The following NDUFA5 variants were observed in gnomAD, a reference collection of about 807,000 sequenced individuals.
NDUFA5 encodes NADH:ubiquinone oxidoreductase subunit A5, also known as NADH dehydrogenase [ubiquinone] 1 alpha subcomplex subunit 5.
In NDUFA5, 11 loss-of-function variants were observed where a neutral mutation model predicts 19.8. The observed-to-expected ratio is 0.56, with a 90% CI of 0.35 to 0.92. NDUFA5 has a LOEUF of 0.92. Ranked by LOEUF, NDUFA5 falls within the 40% of genes least tolerant of loss-of-function variation. The probability of loss-of-function intolerance (pLI) is 0.01; values close to 1 mark genes in which losing one functional copy is unlikely to be tolerated. For synonymous variants in NDUFA5, 47 were observed against 46.8 expected (o/e 1.00, Z -0.01); for missense variants, 109 against 134.2 (o/e 0.81, Z 0.93).
At chr7:123,552,966 T>C (rs1798409356) in intron 2 of NDUFA5, among the ~76,000 whole-genome samples, 2 of 152,220 alleles carry the variant, frequency 1.3e-5, no homozygotes, top group South Asian at 4.1e-4. Flanking sequence ...TTGCAATGTA[T>C]TTTCATACTT....
the NDUFA5 span, among the ~76,000 whole-genome samples, chr7:123,578,547 G>A: frequency 6.6e-6 from 1 of 151,732 alleles, no homozygotes; most frequent in East Asian, 1.9e-4. Context: ...TTAATTTCAG[G>A]CATTTGCTTT....
chr7:123,557,086 A>T (rs1351605714), intron 2 of NDUFA5: 6 of 575,006 alleles, frequency 1.0e-5, no homozygotes, highest in Non-Finnish European at 2.0e-5. Flanking sequence ...AGAAACGGTA[A>T]GGCAAGGAGA....
intron 2 of NDUFA5, chr7:123,556,639 G>A (rs1023563279): frequency 6.5e-6 from 2 of 306,466 alleles, no homozygotes; most frequent in South Asian, 6.4e-5. Flanking sequence ...TTAGGTCAAT[G>A]AAGGTGAGAA....
the NDUFA5 span, among the ~76,000 whole-genome samples, chr7:123,592,627 T>A: frequency 6.6e-6 from 1 of 152,228 alleles, no homozygotes. Context: ...ATTTCTAATT[T>A]GATTGCACTG....
chr7:123,594,878 G>C, the NDUFA5 span, among the ~76,000 whole-genome samples: 8 of 152,292 alleles, frequency 5.3e-5, no homozygotes, highest in Middle Eastern at 6.8e-3. Flanking sequence ...GTTCAGATAG[G>C]CCCTGCCCCC....
chr7:123,597,088 G>GT, the NDUFA5 span, among the ~76,000 whole-genome samples: 3 of 152,166 alleles, frequency 2.0e-5, no homozygotes, highest in Non-Finnish European at 4.4e-5. Context: ...TGTTACCCTA[G>GT]TCAAAAAATA....
At chr7:123,577,760 C>T in the NDUFA5 span, among the ~76,000 whole-genome samples, 1 of 151,992 alleles carries the variant, frequency 6.6e-6, no homozygotes, top group Non-Finnish European at 1.5e-5. Flanking sequence ...GTTCTCCATC[C>T]AGCTCATGTT....
chr7:123,553,467 G>A (rs750131357), intron 2 of NDUFA5, among the ~76,000 whole-genome samples: 3 of 152,272 alleles, frequency 2.0e-5, no homozygotes, highest in Non-Finnish European at 2.9e-5. Context: ...CCTCTCCCAC[G>A]ACACATGGGG....
intron 1 of NDUFA5, 87 bp downstream of exon 1, chr7:123,557,688 A>AG: frequency 6.2e-7 from 1 of 1,614,036 alleles, no homozygotes; most frequent in South Asian, 1.1e-5. Flanking sequence ...CCGCGACAGT[A>AG]GGGGTCAACA....
At chr7:123,594,797 G>A in the NDUFA5 span, among the ~76,000 whole-genome samples, 1 of 152,166 alleles carries the variant, frequency 6.6e-6, no homozygotes, top group Non-Finnish European at 1.5e-5. Flanking sequence ...GCCATGCTGG[G>A]AGAACCACTG....
chr7:123,579,399 T>C, the NDUFA5 span, among the ~76,000 whole-genome samples: 2 of 152,166 alleles, frequency 1.3e-5, no homozygotes, highest in Non-Finnish European at 2.9e-5. Flanking sequence ...TGTTTTGCTA[T>C]GTACTCACTG....
chr7:123,577,715 A>T, the NDUFA5 span, among the ~76,000 whole-genome samples: 6 of 152,054 alleles, frequency 3.9e-5, no homozygotes, highest in Non-Finnish European at 8.8e-5. Context: ...TTTTCTTTGG[A>T]TATGGTTATG....
chr7:123,574,174 A>C, the NDUFA5 span, among the ~76,000 whole-genome samples: 2 of 151,882 alleles, frequency 1.3e-5, no homozygotes, highest in African/African-American at 2.4e-5. Context: ...TTTTTATATA[A>C]AATTGATCAC....
the NDUFA5 span, among the ~76,000 whole-genome samples, chr7:123,574,857 A>AT: frequency 6.6e-6 from 1 of 151,638 alleles, no homozygotes. Context: ...TACTCTTTTT[A>AT]TTTTTTCTAT....
intron 3 of NDUFA5, among the ~76,000 whole-genome samples, chr7:123,549,640 T>G (rs957519431): frequency 3.3e-5 from 5 of 152,216 alleles, no homozygotes; most frequent in African/African-American, 1.2e-4. Context: ...TAGCTGGGCA[T>G]GATGGTGAGT....
At chr7:123,556,830 G>T (rs191194877) in intron 2 of NDUFA5, 1 of 507,222 alleles carries the variant, frequency 2.0e-6, no homozygotes, top group South Asian at 1.5e-5. Flanking sequence ...AAAACGCCAA[G>T]GGTGACTGAG....
At chr7:123,550,351 G>A in intron 3 of NDUFA5, 119 bp downstream of exon 3, 1 of 679,350 alleles carries the variant, frequency 1.5e-6, no homozygotes, top group South Asian at 1.6e-5. Flanking sequence ...GGAATGATGG[G>A]AAAAGAGCAT....
rs377166306 is a variant in NDUFA5, at chr7:123,544,388, C to T, written c.249+1223G>A. Among the ~76,000 whole-genome samples the T allele has an allele frequency of 2.4e-4, 37 of 151,046 alleles. No homozygotes were observed. In the East Asian group the frequency reaches 3.9e-3, roughly 16 times the overall value. On this transcript the variant is annotated intron_variant, in intron 4 of 4. Coordinates refer to ENST00000355749, the MANE Select transcript of NDUFA5 (RefSeq NM_005000.5). ...TGGCACATGCCTGTAATCCTAGCTA[C>T]TTAGGAGGCTGAGGCAGGAGAATTG...
At chr7:123,568,499 C>T in the NDUFA5 span, among the ~76,000 whole-genome samples, 1 of 137,182 alleles carries the variant, frequency 7.3e-6, no homozygotes, top group East Asian at 2.1e-4. Context: ...CCAGCCTGAA[C>T]AACAAGAGCG....
Sources: allele counts gnomAD v4.1 joint callset (sites outside exome capture counted in the v4.1 genomes callset), GRCh38; gene constraint gnomAD v4.1.1; transcripts MANE v1.5; gene names NCBI Gene and HGNC (gene_info 2026-07-23, HGNC 2026-07-21).